TKT: variants seen among roughly 807,000 people sequenced by gnomAD.
TKT encodes the protein epididymis luminal protein 107.
Under a neutral mutation model 63.9 loss-of-function variants are expected in TKT, and 47 were observed. The ratio of observed to expected loss-of-function variants is 0.74; its 90% confidence interval spans 0.58 to 0.94. The LOEUF is 0.94. Ranked by LOEUF, TKT falls within the 40% of genes least tolerant of loss-of-function variation. The pLI, the probability that TKT is intolerant of heterozygous loss-of-function variation, is 0.00. For missense variants in TKT, 721 were observed against 846.2 expected, an observed-to-expected ratio of 0.85 and a Z score of 1.84; for synonymous variants, 338 against 334.1, an observed-to-expected ratio of 1.01 and a Z score of -0.13.
At chr3:53,253,410 T>C (rs1705842559) in intron 1 of TKT, among the ~76,000 whole-genome samples, 1 of 151,658 alleles carries the variant, frequency 6.6e-6, no homozygotes, top group African/African-American at 2.4e-5. Flanking sequence ...TGGGCTCAAG[T>C]GATCCTCTGC....
chr3:53,233,178 G>A lies in TKT; in HGVS notation c.726C>T (p.Thr242=). 1 of 1,613,974 alleles carries A rather than the reference G, an allele frequency of 6.2e-7. No homozygotes were observed. Among genetic ancestry groups the A allele is most frequent in the Non-Finnish European group, 8.5e-7 (1 of 1,179,942 alleles). ...KHQPTAIIAK[T]FKGRGITGVE... is the part of the protein sequence containing the mutation. ...GACCCGTGATCCCTCGGCCCTTGAA[G>A]GTCTTGGCAATGATGGCTGTTGGCT... The change falls in exon 6 of 14, where the codon ACC becomes ACT. Residue 242 remains threonine, a synonymous_variant. Coordinates refer to ENST00000462138, the MANE Select transcript of TKT (RefSeq NM_001064.4).
At chr3:53,255,786 C>G in intron 1 of TKT, 50 bp downstream of exon 1, 4 of 1,257,410 alleles carry the variant, frequency 3.2e-6, no homozygotes, top group Non-Finnish European at 4.1e-6. Flanking sequence ...CCGCCGCAGA[C>G]GCCCCCCGCC....
At chr3:53,242,906 T>C (rs988236348) in intron 1 of TKT, among the ~76,000 whole-genome samples, 1 of 152,098 alleles carries the variant, frequency 6.6e-6, no homozygotes, top group Non-Finnish European at 1.5e-5. Context: ...TCCAATTGCA[T>C]CACTGGGCTA....
intron 1 of TKT, among the ~76,000 whole-genome samples, chr3:53,249,958 G>T (rs548719540): frequency 6.6e-6 from 1 of 152,324 alleles, no homozygotes; most frequent in East Asian, 1.9e-4. Flanking sequence ...GAATGTTGAG[G>T]GGTCAGAGCC....
At chr3:53,239,647 G>T (rs1000308005) in intron 4 of TKT, among the ~76,000 whole-genome samples, 7 of 152,034 alleles carry the variant, frequency 4.6e-5, no homozygotes, top group Non-Finnish European at 7.4e-5. Context: ...ACCTTCCTGG[G>T]GGGCCGTTCC....
intron 6 of TKT, 79 bp downstream of exon 6, chr3:53,233,077 G>T: frequency 8.1e-7 from 1 of 1,238,620 alleles, no homozygotes. Context: ...CTGTTTCCCT[G>T]GATGTGCGGG....
In TKT at chr3:53,227,808, G is replaced by GC. The variant is rs1337998355; in HGVS notation, c.1573+247_1573+248insG. On this transcript the variant is annotated intron_variant, in intron 12 of 13. Coordinates refer to ENST00000462138, the MANE Select transcript of TKT (RefSeq NM_001064.4). ...GGCCACTGATCTGGCCACCATGCTG[G>GC]GGGGGTCTCGACTTTAGAGTCATAG... The GC allele has an allele frequency of 1.4e-5, 6 of 434,974 alleles. No individual in the cohort carries two copies. In the Admixed American group the frequency reaches 2.0e-4, roughly 14 times the overall value. 26.9% of individuals were successfully genotyped at this position (434,974 alleles called of 1,614,324 possible). A position where few individuals can be genotyped will look rare whatever the true frequency, so the allele number is the denominator to read the frequency against.
At chr3:53,250,695 C>T (rs554588342) in intron 1 of TKT, among the ~76,000 whole-genome samples, 52 of 152,262 alleles carry the variant, frequency 3.4e-4, no homozygotes, top group African/African-American at 1.3e-3. Flanking sequence ...TCATTTGAGC[C>T]CAGGAGGCGG....
chr3:53,243,785 T>G (rs532696864), intron 1 of TKT, among the ~76,000 whole-genome samples: 1 of 152,270 alleles, frequency 6.6e-6, no homozygotes, highest in South Asian at 2.1e-4. Context: ...CCTCTCGTCC[T>G]TCCCACCTCC....
chr3:53,228,746 G>A, intron 10 of TKT: 1 of 558,048 alleles, frequency 1.8e-6, no homozygotes, highest in Non-Finnish European at 3.2e-6. Flanking sequence ...GGGTGGAGAG[G>A]TGTCAACCGC....
chr3:53,226,807 C>A lies in TKT; in HGVS notation c.1645G>T (p.Ala549Ser), dbSNP rs1553675633. 4 of 1,614,118 alleles carry A rather than the reference C, an allele frequency of 2.5e-6. No homozygotes were observed. Among genetic ancestry groups the A allele is most frequent in the Non-Finnish European group, 3.4e-6 (4 of 1,179,986 alleles). The change falls in exon 13 of 14, where the codon GCT (alanine) becomes TCT (serine). Residue 549 changes from alanine to serine, a missense_variant. Coordinates refer to ENST00000462138, the MANE Select transcript of TKT (RefSeq NM_001064.4). ...PLDRKLILDS[A>S]RATKGRILTV... Reference sequence around the variant, plus strand: ...AGGATCCTGCCCTTGGTGGCACGAGCGCTGTCGAGAATGAGTTTTCTGTCC... The same window carrying A: ...AGGATCCTGCCCTTGGTGGCACGAGAGCTGTCGAGAATGAGTTTTCTGTCC...
intron 4 of TKT, among the ~76,000 whole-genome samples, chr3:53,239,644 T>TG (rs782208785): frequency 3.3e-5 from 5 of 151,642 alleles, no homozygotes; most frequent in Non-Finnish European, 7.4e-5. Context: ...AGAACCTTCC[T>TG]GGGGGGCCGT....
intron 1 of TKT, among the ~76,000 whole-genome samples, chr3:53,246,495 G>A (rs1705510265): frequency 6.6e-6 from 1 of 152,170 alleles, no homozygotes; most frequent in South Asian, 2.1e-4. Flanking sequence ...AAAGCACAGT[G>A]CAGAAGGATC....
intron 13 of TKT, chr3:53,226,350 C>T (rs1704497535): frequency 3.9e-6 from 1 of 257,480 alleles, no homozygotes; most frequent in Non-Finnish European, 7.5e-6. Flanking sequence ...CCATCTCTCC[C>T]ACTGGGGCCT....
intron 10 of TKT, 48 bp from the exon 11 acceptor site, chr3:53,228,407 A>T (rs1450500530): frequency 6.3e-7 from 1 of 1,598,842 alleles, no homozygotes; most frequent in African/African-American, 1.3e-5. Context: ...GGCACACCCA[A>T]CCTCAGAGAC....
chr3:53,225,964 G>C, intron 13 of TKT, 33 bp from the exon 14 acceptor site: 1 of 1,588,596 alleles, frequency 6.3e-7, no homozygotes, highest in Non-Finnish European at 8.6e-7. Flanking sequence ...CAGAAGACGA[G>C]GCCTCAGGGT....
At chr3:53,236,046 G>C (rs3773741) in intron 4 of TKT, among the ~76,000 whole-genome samples, 26,614 of 152,236 alleles carry the variant, frequency 0.17, 2,442 homozygotes, top group South Asian at 0.29. Flanking sequence ...GGATTCAAAC[G>C]CAGGTCTGAC....
At chr3:53,236,349 G>A (rs566591128) in intron 4 of TKT, among the ~76,000 whole-genome samples, 3 of 152,194 alleles carry the variant, frequency 2.0e-5, no homozygotes, top group Non-Finnish European at 4.4e-5. Context: ...CTGTCAGCAT[G>A]ACTCAGCACT....
chr3:53,241,105 AT>A (rs1263457928), intron 3 of TKT, 26 bp downstream of exon 3: 1 of 1,526,308 alleles, frequency 6.6e-7, no homozygotes, highest in African/African-American at 1.4e-5. Context: ...AGGCAGAGGC[AT>A]GGGAGGCTCT....
Sources: allele counts gnomAD v4.1 joint callset (sites outside exome capture counted in the v4.1 genomes callset), GRCh38; gene constraint gnomAD v4.1.1; transcripts MANE v1.5; gene names NCBI Gene and HGNC (gene_info 2026-07-23, HGNC 2026-07-21).